CCDC192: variants seen among roughly 807,000 people sequenced by gnomAD.
The protein encoded by CCDC192 is coiled-coil domain containing 192.
At chr5:127,753,905 A>T (rs1269225788) in intron 2 of CCDC192, among the ~76,000 whole-genome samples, 1 of 152,178 alleles carries the variant, frequency 6.6e-6, no homozygotes, top group Non-Finnish European at 1.5e-5. Context: ...ACTGTTAAAA[A>T]CATAGGCATT....
intron 1 of CCDC192, among the ~76,000 whole-genome samples, chr5:127,703,922 C>A (rs1020241203): frequency 6.6e-6 from 1 of 152,124 alleles, no homozygotes; most frequent in African/African-American, 2.4e-5. Flanking sequence ...TCTACATGTT[C>A]CCCACATAAA....
At chr5:127,789,048 A>T (rs1756722509) in intron 3 of CCDC192, among the ~76,000 whole-genome samples, 1 of 152,182 alleles carries the variant, frequency 6.6e-6, no homozygotes, top group South Asian at 2.1e-4. Flanking sequence ...AAGACACTGA[A>T]TTTTTTGTCA....
chr5:127,936,384 G>A (rs548715278), intron 6 of CCDC192, among the ~76,000 whole-genome samples: 1 of 152,182 alleles, frequency 6.6e-6, no homozygotes, highest in Non-Finnish European at 1.5e-5. Flanking sequence ...ATTTTCTTCT[G>A]GGCCTTTGGT....
chr5:127,778,433 T>G (rs1474004826), intron 3 of CCDC192, among the ~76,000 whole-genome samples: 1 of 152,216 alleles, frequency 6.6e-6, no homozygotes. Context: ...TTTTAGATAT[T>G]GAACCACTCT....
chr5:127,876,339 T>A (rs963829655), intron 6 of CCDC192, among the ~76,000 whole-genome samples: 6 of 152,178 alleles, frequency 3.9e-5, no homozygotes, highest in Non-Finnish European at 8.8e-5. Context: ...GGTATTTTGC[T>A]AAGCATTCCA....
At chr5:127,815,855 G>A (rs981560230) in intron 5 of CCDC192, among the ~76,000 whole-genome samples, 15 of 151,250 alleles carry the variant, frequency 9.9e-5, no homozygotes, top group African/African-American at 2.2e-4. Context: ...GCAACAGAGC[G>A]AGACTCTGTC....
rs114162731 is a variant in CCDC192, at chr5:127,871,537, C to T, written c.412-4001C>T. Among the ~76,000 whole-genome samples, 817 of 152,246 alleles carry T rather than the reference C, an allele frequency of 5.4e-3. 12 individuals are homozygous for T. The highest frequency in any genetic ancestry group is 0.019 in the African/African-American group (785 of 41,546). On this transcript the variant is annotated intron_variant, in intron 5 of 6. Transcript: ENST00000514853. ...ACATAACTACTACACGGCATAGTGTCGGGTAATGTCATTTCTATGTTATGT... is the reference window on the plus strand; with the variant it reads ...ACATAACTACTACACGGCATAGTGTTGGGTAATGTCATTTCTATGTTATGT...
At chr5:127,809,823 G>C (rs954082160) in intron 5 of CCDC192, among the ~76,000 whole-genome samples, 6 of 152,112 alleles carry the variant, frequency 3.9e-5, no homozygotes, top group African/African-American at 1.4e-4. Context: ...ATAAAAAGGA[G>C]AATAAAGCCC....
chr5:127,891,887 A>T (rs576079181), intron 6 of CCDC192, among the ~76,000 whole-genome samples: 2 of 152,308 alleles, frequency 1.3e-5, no homozygotes, highest in Non-Finnish European at 1.5e-5. Context: ...CTTTTAGGTT[A>T]CCTAACAATT....
chr5:127,754,496 C>CAT, intron 3 of CCDC192, 121 bp downstream of exon 3: 1 of 212,708 alleles, frequency 4.7e-6, no homozygotes. Flanking sequence ...CACACACATA[C>CAT]ACACACACAC....
Position 127,867,469 on chromosome 5 carries a change from C to T in CCDC192, c.412-8069C>T, listed in dbSNP as rs183768544. ...TCTGGTTTCTGTGCTCTTCTACCCA[C>T]GTCACTTCTTACAGATGTTTGCCAA... On this transcript the variant is annotated intron_variant, in intron 5 of 6. Coordinates refer to ENST00000514853, the MANE Select transcript of CCDC192 (RefSeq NM_001317938.2). 5.9e-5 allele frequency among the ~76,000 whole-genome samples: 9 copies of T among 152,350 alleles called. No homozygotes were observed. The East Asian group carries it at 7.7e-4, about 13-fold the overall frequency.
chr5:127,913,574 T>C (rs1379063893), intron 6 of CCDC192, among the ~76,000 whole-genome samples: 1 of 152,256 alleles, frequency 6.6e-6, no homozygotes, highest in Non-Finnish European at 1.5e-5. Flanking sequence ...TTAAAGCTGA[T>C]GTGGAGGTCA....
chr5:127,903,899 A>G (rs1753126914), intron 6 of CCDC192, among the ~76,000 whole-genome samples: 1 of 152,196 alleles, frequency 6.6e-6, no homozygotes, highest in African/African-American at 2.4e-5. Flanking sequence ...CATGACAAAA[A>G]GTGGCTGTTA....
Position 127,740,586 on chromosome 5 carries a change from T to C in CCDC192, c.115-13682T>C, listed in dbSNP as rs545130854. 1.7e-3 allele frequency among the ~76,000 whole-genome samples: 252 copies of C among 151,996 alleles called. 2 individuals are homozygous for C. Among genetic ancestry groups the C allele is most frequent in the Middle Eastern group, 6.8e-3 (2 of 294 alleles). ...CATTGTTGGAATATTGAAGTTCTTA[T>C]CATTGTAATTAATTTTTTAAATTTT... On this transcript the variant is annotated intron_variant, in intron 2 of 6. Coordinates refer to ENST00000514853, the MANE Select transcript of CCDC192 (RefSeq NM_001317938.2).
chr5:127,795,086 A>G (rs1757084196), intron 3 of CCDC192, among the ~76,000 whole-genome samples: 1 of 152,070 alleles, frequency 6.6e-6, no homozygotes, highest in Non-Finnish European at 1.5e-5. Flanking sequence ...TGAGCTCAGG[A>G]GGTCAAGACC....
intron 3 of CCDC192, among the ~76,000 whole-genome samples, chr5:127,781,243 T>C (rs1252696665): frequency 6.6e-6 from 1 of 152,194 alleles, no homozygotes; most frequent in East Asian, 1.9e-4. Flanking sequence ...CCTTATAGTA[T>C]AGTTTGAAAT....
chr5:127,801,059 T>C (rs1217225578), intron 5 of CCDC192, among the ~76,000 whole-genome samples: 1 of 151,950 alleles, frequency 6.6e-6, no homozygotes, highest in Non-Finnish European at 1.5e-5. Context: ...TAAAAATCTG[T>C]GTGTAAAGAT....
At chr5:127,757,999 G>T (rs1754706573) in intron 3 of CCDC192, among the ~76,000 whole-genome samples, 1 of 151,920 alleles carries the variant, frequency 6.6e-6, no homozygotes, top group Non-Finnish European at 1.5e-5. Context: ...AGAATGAGGT[G>T]GGGAGTGTGG....
rs1362240216 is a variant in CCDC192 at position 127,800,396 on chromosome 5, A to AC, written c.411+2234_411+2235insC. The stretch of plus-strand genomic sequence containing the variant: ...ATTCTGAAAAAAAAAAAAAAAAAAA[A>AC]AAAAACAACAACAACAAAAAGTAGG... On this transcript the variant is annotated intron_variant, in intron 5 of 6. Transcript: ENST00000514853. 3.1e-5 allele frequency among the ~76,000 whole-genome samples: 4 copies of AC among 127,862 alleles called. No homozygotes were observed. In the East Asian group the frequency reaches 8.5e-4, roughly 27 times the overall value. 83.9% of individuals were successfully genotyped at this position (127,862 alleles called of 152,430 possible).
Sources: allele counts gnomAD v4.1 joint callset (sites outside exome capture counted in the v4.1 genomes callset), GRCh38; gene constraint gnomAD v4.1.1; transcripts MANE v1.5; gene names NCBI Gene and HGNC (gene_info 2026-07-23, HGNC 2026-07-21).